Variants in ERC2 observed in about 807,000 individuals in gnomAD.
ERC2 encodes the protein ELKS/RAB6-interacting/CAST family member 2.
ERC2 carries 42 observed loss-of-function variants against 114.8 expected under a neutral mutation model. The observed-to-expected ratio is 0.37, with a 90% confidence interval of 0.29 to 0.47. The LOEUF (loss-of-function observed/expected upper bound fraction) is 0.47. ERC2 is among the 20% of genes least tolerant of loss of function. The pLI, the probability that ERC2 is intolerant of heterozygous loss-of-function variation, is 0.99. For missense variants in ERC2, 939 were observed against 1,150.7 expected, an observed-to-expected ratio of 0.82 and a Z score of 2.66; for synonymous variants, 454 against 425.5, an observed-to-expected ratio of 1.07 and a Z score of -0.82.
chr3:56,185,257 C>T (rs983431352), intron 3 of ERC2: 1 of 152,160 alleles, frequency 6.6e-6, no homozygotes, highest in Non-Finnish European at 1.5e-5. Context: ...GAGTATTATT[C>T]CCATACTTTA....
rs1420879701 is a variant in ERC2 at position 55,708,828 on chromosome 3, AAGG to A, written c.2713-9319_2713-9317del. Among the ~76,000 whole-genome samples the A allele has an allele frequency of 5.3e-5, 8 of 150,790 alleles. No homozygotes were observed. In the South Asian group the frequency reaches 1.3e-3, roughly 24 times the overall value. Reference sequence around the variant, plus strand: ...CTGGGAATAAATAAAGGAAGGAAGAAAGGAGGGAGAGAGTGAGGGAGGGAAGAG... The same window carrying A: ...CTGGGAATAAATAAAGGAAGGAAGAAAGGGAGAGAGTGAGGGAGGGAAGAG... On this transcript the variant is annotated intron_variant, in intron 15 of 17. Transcript: ENST00000288221.
chr3:56,345,130 A>G (rs1320448763), intron 2 of ERC2, among the ~76,000 whole-genome samples: 1 of 152,240 alleles, frequency 6.6e-6, no homozygotes, highest in Admixed American at 6.5e-5. Context: ...CTATATTCCA[A>G]TAAAACTTTA....
At chr3:56,009,378 T>G (rs1017354967) in intron 9 of ERC2, among the ~76,000 whole-genome samples, 1 of 152,218 alleles carries the variant, frequency 6.6e-6, no homozygotes, top group African/African-American at 2.4e-5. Context: ...CAAGTAGGTT[T>G]AAATTTTAGG....
At chr3:56,401,430 C>T (rs114982837) in intron 2 of ERC2, among the ~76,000 whole-genome samples, 1 of 152,300 alleles carries the variant, frequency 6.6e-6, no homozygotes, top group African/African-American at 2.4e-5. Context: ...AAATTATGCT[C>T]TGTAACCCAA....
At chr3:55,703,530 A>G (rs1474820364) in intron 15 of ERC2, among the ~76,000 whole-genome samples, 1 of 152,208 alleles carries the variant, frequency 6.6e-6, no homozygotes, top group Non-Finnish European at 1.5e-5. Context: ...ATCTGAACCA[A>G]TGGTAACTAA....
chr3:56,370,587 G>A (rs1312279860), intron 2 of ERC2, among the ~76,000 whole-genome samples: 1 of 138,398 alleles, frequency 7.2e-6, no homozygotes, highest in Non-Finnish European at 1.6e-5. Flanking sequence ...TTTGGTGGGG[G>A]TTTTTTTGTT....
chr3:56,424,706 G>A (rs2061502172), intron 2 of ERC2, among the ~76,000 whole-genome samples: 3 of 152,090 alleles, frequency 2.0e-5, no homozygotes, highest in Admixed American at 2.0e-4. Context: ...TCTAAGTCTG[G>A]ACCAAAATTT....
intron 17 of ERC2, among the ~76,000 whole-genome samples, chr3:55,593,054 G>T (rs2057970280): frequency 6.6e-6 from 1 of 152,214 alleles, no homozygotes; most frequent in Non-Finnish European, 1.5e-5. Context: ...ACAATGGCAA[G>T]CAAGAAAGAT....
intron 17 of ERC2, among the ~76,000 whole-genome samples, chr3:55,583,371 CTTCTTTCCTTCT>C (rs1246085101): frequency 2.0e-5 from 3 of 147,890 alleles, no homozygotes; most frequent in Non-Finnish European, 4.5e-5. Flanking sequence ...GCCTGCCTGC[CTTCTTTCCTTCT>C]TTCTTTCCTT....
At chr3:56,115,003 T>C (rs2079149345) in intron 6 of ERC2, among the ~76,000 whole-genome samples, 1 of 152,176 alleles carries the variant, frequency 6.6e-6, no homozygotes, top group Non-Finnish European at 1.5e-5. Context: ...ATTCCTTGTA[T>C]GGATAACAAC....
chr3:55,918,300 T>C (rs1196438532), intron 13 of ERC2, among the ~76,000 whole-genome samples: 1 of 152,058 alleles, frequency 6.6e-6, no homozygotes, highest in Non-Finnish European at 1.5e-5. Flanking sequence ...GGGTTTACTG[T>C]CTTAAAAAAT....
chr3:56,170,663 C>A (rs1458572096), intron 4 of ERC2, among the ~76,000 whole-genome samples: 1 of 137,370 alleles, frequency 7.3e-6, no homozygotes, highest in African/African-American at 2.9e-5. Flanking sequence ...GTGGCGAGAT[C>A]TTGGCTCACT....
intron 17 of ERC2, among the ~76,000 whole-genome samples, chr3:55,576,544 C>T (rs1312574453): frequency 6.6e-6 from 1 of 152,190 alleles, no homozygotes; most frequent in Non-Finnish European, 1.5e-5. Context: ...GCTCCAGGCA[C>T]GTGCCCTTAG....
intron 2 of ERC2, among the ~76,000 whole-genome samples, chr3:56,405,099 A>C (rs1379046539): frequency 2.0e-5 from 3 of 152,212 alleles, no homozygotes; most frequent in African/African-American, 7.2e-5. Context: ...GAAACTAGGC[A>C]GAAAGGGCCA....
At chr3:56,361,505 G>A (rs548763177) in intron 2 of ERC2, among the ~76,000 whole-genome samples, 1 of 152,316 alleles carries the variant, frequency 6.6e-6, no homozygotes, top group East Asian at 1.9e-4. Flanking sequence ...AAGACCTCCA[G>A]CAGAGATCAA....
chr3:56,030,482 A>G (rs868762397), intron 7 of ERC2, among the ~76,000 whole-genome samples: 16 of 151,932 alleles, frequency 1.1e-4, no homozygotes, highest in African/African-American at 3.9e-4. Flanking sequence ...TTTTTCTTTC[A>G]TGTATTTTGA....
At chr3:56,369,127 T>A (rs2059265568) in intron 2 of ERC2, among the ~76,000 whole-genome samples, 1 of 152,218 alleles carries the variant, frequency 6.6e-6, no homozygotes, top group Admixed American at 6.5e-5. Context: ...TTCATCCACC[T>A]CCACGTGATC....
In ERC2 at chr3:55,703,109, G is replaced by A. The variant is rs191627606; in HGVS notation, c.2713-3597C>T. Among the ~76,000 whole-genome samples the A allele has an allele frequency of 1.1e-4, 16 of 152,128 alleles. No homozygotes were observed. The East Asian group carries it at 2.5e-3, about 24-fold the overall frequency. On this transcript the variant is annotated intron_variant, in intron 15 of 17. Coordinates refer to ENST00000288221, the MANE Select transcript of ERC2 (RefSeq NM_015576.3). ...GCCACCTTATTTCTCTGGGGCCATC[G>A]CCTCCTAACAGCTCTCCTGCTGCAC...
intron 3 of ERC2, among the ~76,000 whole-genome samples, chr3:56,256,468 C>T (rs1004302948): frequency 6.6e-6 from 1 of 151,992 alleles, no homozygotes; most frequent in African/African-American, 2.4e-5. Context: ...CTTAACATGT[C>T]GAGAGAGTTT....
Sources: allele counts gnomAD v4.1 joint callset (sites outside exome capture counted in the v4.1 genomes callset), GRCh38; gene constraint gnomAD v4.1.1; transcripts MANE v1.5; gene names NCBI Gene and HGNC (gene_info 2026-07-23, HGNC 2026-07-21).